Variants in FBXL17 observed in about 807,000 individuals in gnomAD.
FBXL17 encodes F-box and leucine rich repeat protein 17.
FBXL17 carries 22 observed loss-of-function variants against 66.2 expected under a neutral mutation model. That is an observed-to-expected ratio of 0.33 (90% confidence interval 0.24 to 0.47). The LOEUF (loss-of-function observed/expected upper bound fraction) is 0.47, where lower values mean the gene tolerates loss of function less well. FBXL17 is among the 20% of genes least tolerant of loss of function. The probability of loss-of-function intolerance (pLI) is 1.00; values close to 1 mark genes in which losing one functional copy is unlikely to be tolerated. For missense variants in FBXL17, 878 were observed against 948.2 expected (o/e 0.93, Z 0.97); for synonymous variants, 474 against 400.5 (o/e 1.18, Z -2.19).
At chr5:107,963,638 G>A (rs1334771474) in intron 7 of FBXL17, among the ~76,000 whole-genome samples, 1 of 152,086 alleles carries the variant, frequency 6.6e-6, no homozygotes, top group Non-Finnish European at 1.5e-5. Context: ...GTAAGAGTTA[G>A]TGATAAAGTA....
At position 108,241,151 on chromosome 5, in the gene FBXL17, T is replaced by C. The variant is rs550331265; in HGVS notation, c.1507-16923A>G. On this transcript the variant is annotated intron_variant, in intron 4 of 8. Transcript: ENST00000542267. The stretch of plus-strand genomic sequence containing the variant: ...GAAAATATGACATTACCAAACAAAC[T>C]AAATAAGGCACCAGTGATCAATCCT... Among the ~76,000 whole-genome samples the C allele has an allele frequency of 9.2e-5, 14 of 152,198 alleles. No individual in the cohort carries two copies. In the South Asian group the frequency reaches 2.9e-3, roughly 32 times the overall value.
intron 3 of FBXL17, among the ~76,000 whole-genome samples, chr5:108,354,253 C>A (rs1747819287): frequency 6.6e-6 from 1 of 152,052 alleles, no homozygotes; most frequent in Non-Finnish European, 1.5e-5. Flanking sequence ...TCAGATACAG[C>A]AGGAATGTTG....
chr5:107,943,878 C>T (rs536502891), intron 7 of FBXL17, among the ~76,000 whole-genome samples: 2 of 152,304 alleles, frequency 1.3e-5, no homozygotes, highest in African/African-American at 2.4e-5. Context: ...TGCTTCCATG[C>T]TTAAAAGACT....
intron 6 of FBXL17, among the ~76,000 whole-genome samples, chr5:108,119,489 C>CAA (rs1378314832): frequency 3.3e-5 from 5 of 152,132 alleles, no homozygotes; most frequent in Admixed American, 6.5e-5. Context: ...TAATAGGGCC[C>CAA]ATTGTTAACA....
At chr5:108,125,025 G>T (rs374294032) in intron 6 of FBXL17, among the ~76,000 whole-genome samples, 1 of 151,882 alleles carries the variant, frequency 6.6e-6, no homozygotes, top group African/African-American at 2.4e-5. Context: ...CTAACTAGTT[G>T]TTCAAGGAAA....
At chr5:108,079,550 A>C (rs1325696837) in intron 6 of FBXL17, among the ~76,000 whole-genome samples, 1 of 152,210 alleles carries the variant, frequency 6.6e-6, no homozygotes, top group Non-Finnish European at 1.5e-5. Context: ...AATCCTCTGT[A>C]TTATACAAGG....
At chr5:107,890,138 T>C (rs752866875) in intron 7 of FBXL17, among the ~76,000 whole-genome samples, 4 of 152,192 alleles carry the variant, frequency 2.6e-5, no homozygotes, top group Non-Finnish European at 5.9e-5. Context: ...TAAATACATA[T>C]ATTACTTATC....
At chr5:107,967,408 T>C (rs926914299) in intron 7 of FBXL17, among the ~76,000 whole-genome samples, 1 of 151,742 alleles carries the variant, frequency 6.6e-6, no homozygotes, top group African/African-American at 2.4e-5. Flanking sequence ...TATACCCTTC[T>C]CCGAGAGCTG....
Position 108,285,986 on chromosome 5 carries a change from G to A in FBXL17, c.1507-61758C>T, listed in dbSNP as rs937807756. 2.6e-5 allele frequency among the ~76,000 whole-genome samples: 4 copies of A among 151,708 alleles called. No homozygotes were observed. In the East Asian group the frequency reaches 5.8e-4, roughly 22 times the overall value. On this transcript the variant is annotated intron_variant, in intron 4 of 8. Transcript: ENST00000542267. The stretch of plus-strand genomic sequence containing the variant: ...TATCCTTGGGATGCAAAAGTGGCTC[G>A]ACATGCATGTCAATAAATGTGATTC...
chr5:108,381,210 A>C lies in FBXL17; in HGVS notation c.482T>G (p.Leu161Arg). 1 of 1,445,894 alleles carries C rather than the reference A, an allele frequency of 6.9e-7. No homozygotes were observed. Among genetic ancestry groups the C allele is most frequent in the Non-Finnish European group, 9.1e-7 (1 of 1,101,082 alleles). 89.6% of individuals were successfully genotyped at this position (1,445,894 alleles called of 1,614,324 possible). The change falls in exon 1 of 9, where the codon CTG (leucine) becomes CGG (arginine). Residue 161 changes from leucine to arginine, a missense_variant. Physicochemically the swap from Leu to Arg is moderately radical, Grantham distance 102. Transcript: ENST00000542267. The part of the protein sequence containing the change: ...AWEQQGRSLF[L>R]ASLGPVRFLG... ...GAAGCGCACCGGCCCCAAGCTGGCC[A>C]GGAAGAGACTTCGGCCCTGCTGCTC...
At chr5:108,062,159 C>T (rs1747948940) in intron 6 of FBXL17, among the ~76,000 whole-genome samples, 1 of 151,994 alleles carries the variant, frequency 6.6e-6, no homozygotes. Context: ...ATTTCGTATG[C>T]TTTCCACTTT....
At chr5:107,879,656 C>G in intron 8 of FBXL17, 1 of 985,256 alleles carries the variant, frequency 1.0e-6, no homozygotes, top group Admixed American at 6.2e-5. Context: ...TTCATTTGCC[C>G]CCACATTTGC....
rs561552352 is a variant in FBXL17 at position 108,222,661 on chromosome 5, T to C, written c.1614+1460A>G. ...CGTACTAATTTTCTAGCAATTTAGA[T>C]ACTATGGCATCTTTTTTTTTTTTTT... On this transcript the variant is annotated intron_variant, in intron 5 of 8. Coordinates refer to ENST00000542267, the MANE Select transcript of FBXL17 (RefSeq NM_001163315.3). Among the ~76,000 whole-genome samples the C allele has an allele frequency of 1.7e-3, 253 of 147,080 alleles. 2 individuals carry two copies. Among genetic ancestry groups the C allele is most frequent in the Non-Finnish European group, 2.6e-3 (178 of 67,362 alleles).
At chr5:108,266,991 T>C (rs1352723532) in intron 4 of FBXL17, among the ~76,000 whole-genome samples, 1 of 152,152 alleles carries the variant, frequency 6.6e-6, no homozygotes, top group African/African-American at 2.4e-5. Context: ...TTCTATGGCA[T>C]AATTTTATAT....
At chr5:108,378,720 T>C (rs1218956004) in intron 1 of FBXL17, among the ~76,000 whole-genome samples, 1 of 152,206 alleles carries the variant, frequency 6.6e-6, no homozygotes, top group Non-Finnish European at 1.5e-5. Context: ...GCACAGACTC[T>C]AAACACCTGA....
At chr5:108,168,681 A>G (rs1270204784) in intron 6 of FBXL17, among the ~76,000 whole-genome samples, 1 of 152,192 alleles carries the variant, frequency 6.6e-6, no homozygotes, top group African/African-American at 2.4e-5. Context: ...AATAAAACAC[A>G]GAGAGTTGCG....
intron 4 of FBXL17, among the ~76,000 whole-genome samples, chr5:108,327,180 C>A (rs1759897984): frequency 6.6e-6 from 1 of 152,152 alleles, no homozygotes; most frequent in Admixed American, 6.5e-5. Flanking sequence ...ACAATACTCA[C>A]CTAGGAATTG....
intron 5 of FBXL17, among the ~76,000 whole-genome samples, chr5:108,203,033 ACACT>A (rs1333088123): frequency 6.6e-6 from 1 of 152,196 alleles, no homozygotes; most frequent in African/African-American, 2.4e-5. Flanking sequence ...TTCAGCACTG[ACACT>A]CAGGTAGAAA....
At chr5:107,954,484 G>C (rs574780006) in intron 7 of FBXL17, among the ~76,000 whole-genome samples, 208 of 152,356 alleles carry the variant, frequency 1.4e-3, no homozygotes, top group African/African-American at 4.7e-3. Context: ...CTGTTACAGA[G>C]TGCAAGGGAC....
Sources: gnomAD v4.1 joint callset for allele counts (sites outside exome capture counted in the v4.1 genomes callset) on GRCh38, gnomAD v4.1.1 for gene constraint, MANE v1.5 for transcripts, NCBI Gene and HGNC (gene_info 2026-07-23, HGNC 2026-07-21) for gene names.